The following MAPKAPK3 variants were observed in gnomAD, a reference collection of about 807,000 sequenced individuals.
The protein encoded by MAPKAPK3 is MAP kinase-activated protein kinase 3.
In MAPKAPK3, 35 loss-of-function variants were observed where a neutral mutation model predicts 49.2. The observed-to-expected ratio is 0.71, with a 90% CI of 0.54 to 0.94. The LOEUF (loss-of-function observed/expected upper bound fraction) is 0.94, where lower values mean the gene tolerates loss of function less well. MAPKAPK3 is among the 40% of genes least tolerant of loss of function. The pLI is 0.00. For missense variants in MAPKAPK3, 398 were observed against 493.1 expected (o/e 0.81, Z 1.83); for synonymous variants, 178 against 188.7 (o/e 0.94, Z 0.46).
chr3:50,647,010 C>A (rs1450404689), intron 9 of MAPKAPK3, 113 bp from the exon 10 acceptor site: 2 of 1,128,190 alleles, frequency 1.8e-6, no homozygotes, highest in Non-Finnish European at 2.6e-6. Context: ...TCCTTCCCCA[C>A]CCTGAGCCTT....
At chr3:50,633,033 A>T (rs2032950477) in intron 2 of MAPKAPK3, among the ~76,000 whole-genome samples, 1 of 152,102 alleles carries the variant, frequency 6.6e-6, no homozygotes, top group Non-Finnish European at 1.5e-5. Context: ...CTCTAAGAAG[A>T]CAGACAGAGT....
rs2033309990 is a variant in MAPKAPK3 at position 50,646,797 on chromosome 3, C to T, written c.887C>T (p.Thr296Ile). 6.2e-7 allele frequency: 1 copy of T among 1,614,088 alleles called. No homozygotes were observed. The highest frequency in any genetic ancestry group is 8.5e-7 in the Non-Finnish European group (1 of 1,180,030). Residue 296 changes from threonine (T) to isoleucine (I), a missense_variant, in exon 9 of 11, where the codon ACT becomes ATT. Thr to Ile is a moderately conservative substitution (Grantham distance 89). Coordinates refer to ENST00000621469, the MANE Select transcript of MAPKAPK3 (RefSeq NM_001243925.2). Reference protein sequence around the residue: ...KTDPTERLTITQFMNHPWINQ... With the variant: ...KTDPTERLTIIQFMNHPWINQ... ...GACCCCACAGAGAGGCTGACCATCA[C>T]TCAGTTCATGAACCACCCCTGGATC...
At position 50,647,152 on chromosome 3, in the gene MAPKAPK3, C is replaced by T. The variant is rs535709258; in HGVS notation, c.945C>T (p.Leu315=). ...NQSMVVPQTP[L]HTARVLQEDK... ...CGATGGTAGTGCCACAGACCCCACT[C>T]CACACGGCCCGAGTGCTGCAGGAGG... The change falls in exon 10 of 11, where the codon CTC becomes CTT. Residue 315 remains leucine (L), a synonymous_variant. Transcript: ENST00000621469. 1.9e-5 allele frequency: 31 copies of T among 1,594,796 alleles called. No individual in the cohort carries two copies. In the East Asian group the frequency reaches 7.0e-4, roughly 36 times the overall value.
chr3:50,643,583 C>A (rs998650433), intron 5 of MAPKAPK3, among the ~76,000 whole-genome samples: 15 of 152,172 alleles, frequency 9.9e-5, no homozygotes, highest in East Asian at 3.9e-4. Context: ...ACCTGTAAAT[C>A]CTTGCTTTAT....
At position 50,644,324 on chromosome 3, in the gene MAPKAPK3, C is replaced by T. The variant is rs148772781; in HGVS notation, c.505-85C>T. 9.4e-4 allele frequency: 1,426 copies of T among 1,517,694 alleles called. 11 individuals carry two copies. In the African/African-American group the frequency reaches 0.016, roughly 17 times the overall value. The allele number at this position is 1,517,694 out of a possible 1,614,324, so 94.0% of individuals were successfully genotyped here. The stretch of plus-strand genomic sequence containing the variant: ...GGCTCCTTCTGCACTGGGATGGAGT[C>T]GGGGAGTCTGGCTGAAGATCACCTT... On this transcript the variant is annotated intron_variant, in intron 5 of 10. Coordinates refer to ENST00000621469, the MANE Select transcript of MAPKAPK3 (RefSeq NM_001243925.2).
exon 1 of MAPKAPK3, chr3:50,611,999 C>T (rs2032342953): frequency 9.4e-6 from 3 of 318,784 alleles, no homozygotes; most frequent in East Asian, 9.9e-5. Context: ...GACAGATTTC[C>T]AAGAACTTTC....
upstream of MAPKAPK3, among the ~76,000 whole-genome samples, chr3:50,613,136 C>G (rs1315129275): frequency 2.6e-5 from 4 of 152,148 alleles, no homozygotes; most frequent in African/African-American, 9.7e-5. Context: ...ACCCCCATCC[C>G]CCTCCCAGTG....
At chr3:50,613,259 C>T (rs2032382419), upstream of MAPKAPK3, among the ~76,000 whole-genome samples, 1 of 152,200 alleles carries the variant, frequency 6.6e-6, no homozygotes, top group Non-Finnish European at 1.5e-5. Flanking sequence ...AGACAGGGCT[C>T]AGTTTGCTCT....
chr3:50,648,163 G>A lies in MAPKAPK3; in HGVS notation c.*117G>A, dbSNP rs1432211739. On this transcript the variant is annotated 3_prime_UTR_variant, in exon 11 of 11. Coordinates refer to ENST00000621469, the MANE Select transcript of MAPKAPK3 (RefSeq NM_001243925.2). ...TTTAACAAAAGGATTATTTTGTTGTGTTTTAATTTGTCACTCGGAACTTCA... is the reference window on the plus strand; with the variant it reads ...TTTAACAAAAGGATTATTTTGTTGTATTTTAATTTGTCACTCGGAACTTCA... 3 of 1,115,630 alleles carry A rather than the reference G, an allele frequency of 2.7e-6. No homozygotes were observed. The highest frequency in any genetic ancestry group is 1.6e-5 in the African/African-American group (1 of 63,450). The allele number at this position is 1,115,630 out of a possible 1,614,324, so 69.1% of individuals were successfully genotyped here.
At chr3:50,641,661 T>G (rs2033178606) in intron 3 of MAPKAPK3, 46 bp from the exon 4 acceptor site, 1 of 1,484,830 alleles carries the variant, frequency 6.7e-7, no homozygotes, top group South Asian at 1.1e-5. Flanking sequence ...AAGGGTAGGA[T>G]GATGTGCAGT....
At chr3:50,639,305 T>G (rs962296552) in intron 2 of MAPKAPK3, among the ~76,000 whole-genome samples, 1 of 152,200 alleles carries the variant, frequency 6.6e-6, no homozygotes, top group Non-Finnish European at 1.5e-5. Flanking sequence ...TCCACTCAGC[T>G]GTCATCTCCC....
intron 2 of MAPKAPK3, among the ~76,000 whole-genome samples, chr3:50,639,964 T>A (rs1245538936): frequency 6.6e-6 from 1 of 152,222 alleles, no homozygotes; most frequent in Non-Finnish European, 1.5e-5. Context: ...ATGGAACAGC[T>A]GTGTCATCCT....
At chr3:50,632,753 G>C (rs1373854448) in intron 2 of MAPKAPK3, among the ~76,000 whole-genome samples, 1 of 152,244 alleles carries the variant, frequency 6.6e-6, no homozygotes, top group Non-Finnish European at 1.5e-5. Flanking sequence ...ATTGGCCAGG[G>C]GTATGGAGGT....
upstream of MAPKAPK3, chr3:50,611,786 G>A: frequency 8.2e-7 from 1 of 1,216,478 alleles, no homozygotes; most frequent in Non-Finnish European, 1.1e-6. Flanking sequence ...AGAGGCAGTG[G>A]CGCGGACCGC....
upstream of MAPKAPK3, chr3:50,612,834 G>C (rs778865125): frequency 6.6e-6 from 1 of 152,114 alleles, no homozygotes; most frequent in African/African-American, 2.4e-5. Flanking sequence ...AGTAACACTC[G>C]CTCTTATCTA....
upstream of MAPKAPK3, among the ~76,000 whole-genome samples, chr3:50,615,636 G>A (rs2032448752): frequency 6.6e-6 from 1 of 152,198 alleles, no homozygotes; most frequent in African/African-American, 2.4e-5. Flanking sequence ...TGGGGCAGAA[G>A]GGATAGTGTG....
chr3:50,631,738 T>G (rs1182712590), intron 2 of MAPKAPK3, among the ~76,000 whole-genome samples: 4 of 149,770 alleles, frequency 2.7e-5, no homozygotes, highest in African/African-American at 9.8e-5. Flanking sequence ...GGGAGTATGG[T>G]AGGTTCAAAG....
chr3:50,626,455 C>T (rs1218060896), intron 2 of MAPKAPK3, among the ~76,000 whole-genome samples: 1 of 152,214 alleles, frequency 6.6e-6, no homozygotes, highest in Non-Finnish European at 1.5e-5. Context: ...TCAGAGGCTA[C>T]ATTCAGGGGC....
chr3:50,613,206 A>G (rs188200304), upstream of MAPKAPK3, among the ~76,000 whole-genome samples: 304 of 152,022 alleles, frequency 2.0e-3, 3 homozygotes, highest in African/African-American at 6.7e-3. Flanking sequence ...GGGATGACAG[A>G]CCCCTGGCCT....
Sources: gnomAD v4.1 joint callset for allele counts (sites outside exome capture counted in the v4.1 genomes callset) on GRCh38, gnomAD v4.1.1 for gene constraint, MANE v1.5 for transcripts, NCBI Gene and HGNC (gene_info 2026-07-23, HGNC 2026-07-21) for gene names.